The following CREB3L1 variants were observed in gnomAD, a reference collection of about 807,000 sequenced individuals.
CREB3L1 encodes the protein cyclic AMP-responsive element-binding protein 3-like protein 1.
In CREB3L1, 33 loss-of-function variants were observed where a neutral mutation model predicts 54.5. That is an observed-to-expected ratio of 0.61 (90% CI 0.46 to 0.81). The LOEUF (loss-of-function observed/expected upper bound fraction) is 0.81. Among genes scored for constraint, CREB3L1 ranks in the 30% least tolerant of loss-of-function variants. The pLI, the probability that CREB3L1 is intolerant of heterozygous loss-of-function variation, is 0.00. For synonymous variants in CREB3L1, 284 were observed against 286.4 expected, an observed-to-expected ratio of 0.99 and a Z score of 0.08; for missense variants, 656 against 673.3, an observed-to-expected ratio of 0.97 and a Z score of 0.29.
chr11:46,301,762 C>T (rs191149517), intron 2 of CREB3L1, among the ~76,000 whole-genome samples: 20 of 152,008 alleles, frequency 1.3e-4, no homozygotes, highest in Admixed American at 7.9e-4. Context: ...AGTTCAAGAC[C>T]AGCCTGGTCA....
intron 2 of CREB3L1, among the ~76,000 whole-genome samples, chr11:46,305,760 C>T (rs1352494068): frequency 8.8e-5 from 12 of 135,638 alleles, no homozygotes; most frequent in Admixed American, 2.3e-4. Context: ...TTTTTTAAGA[C>T]GGAGTCTCGC....
At chr11:46,279,823 A>T (rs749826535) in intron 1 of CREB3L1, among the ~76,000 whole-genome samples, 1 of 152,230 alleles carries the variant, frequency 6.6e-6, no homozygotes, top group Non-Finnish European at 1.5e-5. Flanking sequence ...GGCCCTTGGC[A>T]GCTCTGAGTT....
chr11:46,282,145 AT>A (rs1297713713), intron 1 of CREB3L1, among the ~76,000 whole-genome samples: 1 of 152,136 alleles, frequency 6.6e-6, no homozygotes, highest in Non-Finnish European at 1.5e-5. Context: ...GGATGGATGA[AT>A]GAATGGATGG....
intron 8 of CREB3L1, chr11:46,315,679 C>G (rs1442946381): frequency 5.7e-6 from 1 of 176,846 alleles, no homozygotes; most frequent in Non-Finnish European, 1.2e-5. Context: ...AAAAATTAGC[C>G]GGCATGGTGG....
intron 1 of CREB3L1, among the ~76,000 whole-genome samples, chr11:46,289,684 C>T (rs996262052): frequency 2.6e-5 from 4 of 152,188 alleles, no homozygotes; most frequent in Non-Finnish European, 4.4e-5. Context: ...GTCCTACAGC[C>T]ATGGGGACCA....
intron 1 of CREB3L1, among the ~76,000 whole-genome samples, chr11:46,293,890 CTGTT>C (rs550129563): frequency 6.3e-4 from 96 of 152,270 alleles, no homozygotes; most frequent in Non-Finnish European, 1.2e-3. Context: ...GTGTGAATCA[CTGTT>C]TGTCTGATCA....
rs147100394 is a variant in CREB3L1, at chr11:46,316,485, G to A, written c.1131+100G>A. On this transcript the variant is annotated intron_variant, in intron 9 of 11. Transcript: ENST00000621158. ...CAGAGCTTTAAGGATCGGTAACATC[G>A]TGGGCAGCGTCCCAGGGTACACCAT... 1,681 of 764,762 alleles carry A rather than the reference G, an allele frequency of 2.2e-3. 17 individuals are homozygous for A. The African/African-American group carries it at 0.025, about 12-fold the overall frequency. 47.4% of individuals were successfully genotyped at this position (764,762 alleles called of 1,614,324 possible).
intron 3 of CREB3L1, 25 bp from the exon 4 acceptor site, chr11:46,309,964 G>A: frequency 6.3e-7 from 1 of 1,576,684 alleles, no homozygotes. Flanking sequence ...GGCAGCTAAT[G>A]GAGCTGGGCT....
chr11:46,314,147 A>C (rs1326088679), intron 8 of CREB3L1, among the ~76,000 whole-genome samples: 1 of 151,968 alleles, frequency 6.6e-6, no homozygotes, highest in African/African-American at 2.4e-5. Context: ...TTGAGGGAAA[A>C]GAATCACTGG....
chr11:46,318,727 C>CACTT (rs1375870728), intron 10 of CREB3L1, among the ~76,000 whole-genome samples: 1 of 152,134 alleles, frequency 6.6e-6, no homozygotes, highest in Non-Finnish European at 1.5e-5. Context: ...ACCAGTCAGT[C>CACTT]ACTTACCAAG....
chr11:46,296,485 G>A (rs573844201), intron 1 of CREB3L1, among the ~76,000 whole-genome samples: 41 of 152,250 alleles, frequency 2.7e-4, no homozygotes, highest in African/African-American at 9.4e-4. Context: ...GGGGAACGAG[G>A]GGCAGGGGAC....
intron 1 of CREB3L1, among the ~76,000 whole-genome samples, chr11:46,298,597 G>A (rs1939247053): frequency 6.6e-6 from 1 of 152,160 alleles, no homozygotes; most frequent in African/African-American, 2.4e-5. Context: ...TGCTTGGGAG[G>A]CTGAGGCATG....
At chr11:46,300,922 G>A (rs1344283793) in intron 2 of CREB3L1, among the ~76,000 whole-genome samples, 1 of 149,260 alleles carries the variant, frequency 6.7e-6, no homozygotes, top group Non-Finnish European at 1.5e-5. Context: ...GGAGAATGGC[G>A]TGAACCCGGG....
At chr11:46,288,479 G>T (rs1939087792) in intron 1 of CREB3L1, among the ~76,000 whole-genome samples, 3 of 152,180 alleles carry the variant, frequency 2.0e-5, no homozygotes, top group African/African-American at 7.2e-5. Flanking sequence ...AAGGCCCATG[G>T]CATTTGACAG....
chr11:46,303,578 AG>A (rs1939333238), intron 2 of CREB3L1, among the ~76,000 whole-genome samples: 1 of 152,190 alleles, frequency 6.6e-6, no homozygotes, highest in African/African-American at 2.4e-5. Context: ...CAGGAAGCGG[AG>A]GTTGCAGTGA....
Position 46,320,800 on chromosome 11 carries a change from TC to T in CREB3L1, c.*55del, listed in dbSNP as rs1293639625. On this transcript the variant is annotated 3_prime_UTR_variant, in exon 12 of 12. Coordinates refer to ENST00000621158, the MANE Select transcript of CREB3L1 (RefSeq NM_052854.4). ...GACCCCTGGTACCCAGAAGAGGAGT[TC>T]TTGCTCACTAACCCGGATCCGCCTC... is the stretch of plus-strand genomic sequence containing the variant. 1 of 1,580,960 alleles carries T rather than the reference TC, an allele frequency of 6.3e-7. No individual in the cohort carries two copies. The highest frequency in any genetic ancestry group is 1.1e-5 in the South Asian group (1 of 87,590).
At position 46,295,788 on chromosome 11, in the gene CREB3L1, T is replaced by C. The variant is rs1187978650; in HGVS notation, c.103-4147T>C. Reference sequence around the variant, plus strand: ...TCCAGGACGGCGGCACCCGGATCCTTCTCTAAAATTTAAAGGGCGGGCGGC... The same window carrying C: ...TCCAGGACGGCGGCACCCGGATCCTCCTCTAAAATTTAAAGGGCGGGCGGC... On this transcript the variant is annotated intron_variant, in intron 1 of 11. Transcript: ENST00000621158. This position sits in a 1 kb window ranked among gnomAD's most constrained non-coding sequence, Gnocchi z 4.6. 2.0e-5 allele frequency among the ~76,000 whole-genome samples: 3 copies of C among 152,046 alleles called. No individual in the cohort carries two copies. The highest frequency in any genetic ancestry group is 4.4e-5 in the Non-Finnish European group (3 of 68,002).
At chr11:46,316,460 C>A in intron 9 of CREB3L1, 75 bp downstream of exon 9, 3 of 1,015,040 alleles carry the variant, frequency 3.0e-6, no homozygotes, top group Non-Finnish European at 4.5e-6. Flanking sequence ...CAGGGTTGGG[C>A]AGAGCTTTAA....
rs1211242210 is a variant in CREB3L1, at chr11:46,295,707, C to G, written c.103-4228C>G. The stretch of plus-strand genomic sequence containing the variant: ...CTGCGGCTCCCACCAGTGAGCAGGC[C>G]GGATTCCGGTGAGGGGCGGCCCCGG... On this transcript the variant is annotated intron_variant, in intron 1 of 11. Coordinates refer to ENST00000621158, the MANE Select transcript of CREB3L1 (RefSeq NM_052854.4). The surrounding 1 kb of genome is among the most constrained non-coding windows in gnomAD (Gnocchi z 4.6). Among the ~76,000 whole-genome samples the G allele has an allele frequency of 6.6e-6, 1 of 152,244 alleles. No individual in the cohort carries two copies. The highest frequency in any genetic ancestry group is 1.5e-5 in the Non-Finnish European group (1 of 68,030).
Sources: allele counts gnomAD v4.1 joint callset (sites outside exome capture counted in the v4.1 genomes callset), GRCh38; gene constraint gnomAD v4.1.1; non-coding constraint Gnocchi (gnomAD v3.1); transcripts MANE v1.5; gene names NCBI Gene and HGNC (gene_info 2026-07-23, HGNC 2026-07-21).